The following COLEC10 variants were observed in gnomAD, a reference collection of about 807,000 sequenced individuals.
COLEC10 encodes collectin-10.
COLEC10 carries 22 observed loss-of-function variants against 28.4 expected under a neutral mutation model. The observed-to-expected ratio is 0.78, with a 90% CI of 0.55 to 1.11. The LOEUF is 1.11. Among genes scored for constraint, COLEC10 ranks in the 50% least tolerant of loss-of-function variants. The probability of loss-of-function intolerance (pLI) is 0.00; values close to 1 mark genes in which losing one functional copy is unlikely to be tolerated. For synonymous variants in COLEC10, 125 were observed against 116.1 expected, an observed-to-expected ratio of 1.08 and a Z score of -0.49; for missense variants, 361 against 344.1, an observed-to-expected ratio of 1.05 and a Z score of -0.39.
chr8:119,106,156 T>G lies in COLEC10; in HGVS notation c.799T>G (p.Tyr267Asp). Residue 267 changes from tyrosine to aspartate, a missense_variant, in exon 6 of 6, where the codon TAC becomes GAC. By Grantham distance (160) the Tyr-to-Asp change is radical. Coordinates refer to ENST00000332843, the MANE Select transcript of COLEC10 (RefSeq NM_006438.5). Reference sequence around the variant, plus strand: ...TGACACAGAGTGCCATCTTACCATGTACTTTGTCTGTGAGTTCATCAAGAA... The same window carrying G: ...TGACACAGAGTGCCATCTTACCATGGACTTTGTCTGTGAGTTCATCAAGAA... ...WNDTECHLTM[Y>D]FVCEFIKKKK 1 of 1,606,562 alleles carries G rather than the reference T, an allele frequency of 6.2e-7. No homozygotes were observed. The highest frequency in any genetic ancestry group is 8.5e-7 in the Non-Finnish European group (1 of 1,173,838).
the COLEC10 span, among the ~76,000 whole-genome samples, chr8:118,976,890 A>G: frequency 6.6e-6 from 1 of 152,114 alleles, no homozygotes. Flanking sequence ...AATGAACTCA[A>G]ACAAATTTAC....
chr8:118,996,562 A>T (rs1813593808), intron 1 of COLEC10, among the ~76,000 whole-genome samples: 1 of 152,162 alleles, frequency 6.6e-6, no homozygotes, highest in African/African-American at 2.4e-5. Flanking sequence ...AAAAGGTGTG[A>T]GGTGATATCT....
At chr8:119,023,124 G>C (rs774624112) in intron 2 of COLEC10, among the ~76,000 whole-genome samples, 3 of 152,096 alleles carry the variant, frequency 2.0e-5, no homozygotes, top group Non-Finnish European at 4.4e-5. Flanking sequence ...GCTGGCCACT[G>C]TATTTAACAT....
Position 119,067,422 on chromosome 8 carries a change from A to G in COLEC10, c.141A>G (p.Gly47=). ...GTGCCACACACACAATTTCACCAGG[A>G]CCCAAAGGTGAGGAAAGAAAACCAC... ...EVCATHTISP[G]PKGDDGEKGD... Residue 47 remains glycine, a synonymous_variant, in exon 1 of 6, where the codon GGA becomes GGG. Transcript: ENST00000332843. 1 of 1,613,212 alleles carries G rather than the reference A, an allele frequency of 6.2e-7. No individual in the cohort carries two copies.
At chr8:119,061,802 C>A (rs1226369168) in intron 2 of COLEC10, among the ~76,000 whole-genome samples, 1 of 151,786 alleles carries the variant, frequency 6.6e-6, no homozygotes, top group Non-Finnish European at 1.5e-5. Flanking sequence ...ATAATAATAC[C>A]AATTCCTAGA....
chr8:118,997,600 A>C (rs1731630589), intron 1 of COLEC10, among the ~76,000 whole-genome samples: 1 of 152,184 alleles, frequency 6.6e-6, no homozygotes, highest in Non-Finnish European at 1.5e-5. Context: ...TGACATAGCA[A>C]AATTGTGATG....
upstream of COLEC10, among the ~76,000 whole-genome samples, chr8:118,992,425 C>T (rs1813518337): frequency 6.6e-6 from 1 of 152,074 alleles, no homozygotes; most frequent in African/African-American, 2.4e-5. Flanking sequence ...GTTGGCAGGA[C>T]ATGGTAGAAG....
At chr8:119,045,282 C>G (rs191734465) in intron 2 of COLEC10, among the ~76,000 whole-genome samples, 1 of 152,146 alleles carries the variant, frequency 6.6e-6, no homozygotes, top group Non-Finnish European at 1.5e-5. Flanking sequence ...ACTTATATGT[C>G]TCATGTTCTA....
intron 3 of COLEC10, among the ~76,000 whole-genome samples, chr8:119,099,397 T>A (rs1164194536): frequency 6.6e-6 from 1 of 152,080 alleles, no homozygotes; most frequent in African/African-American, 2.4e-5. Flanking sequence ...GATCCGATTA[T>A]AAGAAAATAT....
chr8:118,993,237 C>A (rs568242440), upstream of COLEC10, among the ~76,000 whole-genome samples: 3 of 152,284 alleles, frequency 2.0e-5, no homozygotes, highest in South Asian at 6.2e-4. Context: ...AGTACAAGAG[C>A]AAGATGTCAG....
At position 119,106,193 on chromosome 8, in the gene COLEC10, T is replaced by A; in HGVS notation, c.*2T>A. 6.3e-7 allele frequency: 1 copy of A among 1,595,466 alleles called. No homozygotes were observed. The highest frequency in any genetic ancestry group is 8.6e-7 in the Non-Finnish European group (1 of 1,166,622). On this transcript the variant is annotated 3_prime_UTR_variant, in exon 6 of 6. Transcript: ENST00000332843. ...GAGTTCATCAAGAAGAAAAAGTAACTTCCCTCATCCTACGTATTTGCTATT... is the reference window on the plus strand; with the variant it reads ...GAGTTCATCAAGAAGAAAAAGTAACATCCCTCATCCTACGTATTTGCTATT...
chr8:118,996,682 C>T (rs1014814418), intron 1 of COLEC10, among the ~76,000 whole-genome samples: 6 of 152,084 alleles, frequency 3.9e-5, no homozygotes, highest in African/African-American at 1.4e-4. Context: ...ATTTGTGTTA[C>T]CACAGTGAAA....
At chr8:119,083,194 C>T (rs1815401544) in intron 1 of COLEC10, among the ~76,000 whole-genome samples, 1 of 152,176 alleles carries the variant, frequency 6.6e-6, no homozygotes, top group Non-Finnish European at 1.5e-5. Flanking sequence ...GTCACGTGTT[C>T]TGGGATGAGT....
intron 2 of COLEC10, among the ~76,000 whole-genome samples, chr8:119,030,965 T>C (rs1164747000): frequency 6.6e-6 from 1 of 152,218 alleles, no homozygotes; most frequent in Non-Finnish European, 1.5e-5. Flanking sequence ...TGTTGGACTC[T>C]AATCATCTCA....
intron 1 of COLEC10, among the ~76,000 whole-genome samples, chr8:119,001,230 A>C (rs4335155): frequency 0.58 from 88,863 of 151,904 alleles, 26,746 homozygotes; most frequent in African/African-American, 0.73. Flanking sequence ...AGAAGATTGA[A>C]AAGAGAAAGA....
Position 119,092,696 on chromosome 8 carries a change from A to T in COLEC10, c.292+1476A>T, listed in dbSNP as rs561987473. On this transcript the variant is annotated intron_variant, in intron 3 of 5. Coordinates refer to ENST00000332843, the MANE Select transcript of COLEC10 (RefSeq NM_006438.5). ...TGAGATGGGTGGATCACCTGAGGTC[A>T]GGAGTTTGAGACAAGCCTGGCCAAG... Among the ~76,000 whole-genome samples, 23 of 152,290 alleles carry T rather than the reference A, an allele frequency of 1.5e-4. No homozygotes were observed. In the East Asian group the frequency reaches 4.1e-3, roughly 27 times the overall value.
chr8:118,972,620 G>A, the COLEC10 span, among the ~76,000 whole-genome samples: 1 of 151,964 alleles, frequency 6.6e-6, no homozygotes, highest in Non-Finnish European at 1.5e-5. Flanking sequence ...AGTAACCTGA[G>A]TTGCTCTGGC....
chr8:119,044,781 G>A (rs1814558501), intron 2 of COLEC10, among the ~76,000 whole-genome samples: 1 of 151,820 alleles, frequency 6.6e-6, no homozygotes, highest in South Asian at 2.1e-4. Flanking sequence ...CTTGAACCCA[G>A]GAGGCAGAGG....
chr8:119,000,058 AAG>A (rs1371427478), intron 1 of COLEC10, among the ~76,000 whole-genome samples: 6 of 152,200 alleles, frequency 3.9e-5, no homozygotes, highest in African/African-American at 9.7e-5. Context: ...GCAAAAAAGA[AAG>A]AGCATAGTGC....
Sources: allele counts gnomAD v4.1 joint callset (sites outside exome capture counted in the v4.1 genomes callset), GRCh38; gene constraint gnomAD v4.1.1; transcripts MANE v1.5; gene names NCBI Gene and HGNC (gene_info 2026-07-23, HGNC 2026-07-21).